MYLK4: variants seen among roughly 807,000 people sequenced by gnomAD.
The protein encoded by MYLK4 is caMLCK like.
MYLK4 carries 46 observed loss-of-function variants against 48.1 expected under a neutral mutation model. That is an observed-to-expected ratio of 0.96 (90% confidence interval 0.75 to 1.22). The LOEUF (loss-of-function observed/expected upper bound fraction) is 1.22, where lower values mean the gene tolerates loss of function less well. Ranked by LOEUF, MYLK4 falls within the 50% of genes most tolerant of loss-of-function variation. The pLI is 0.00. For synonymous variants in MYLK4, 170 were observed against 180.8 expected (o/e 0.94, Z 0.48); for missense variants, 451 against 486.1 (o/e 0.93, Z 0.68).
chr6:2,693,144 A>G (rs1294170176), intron 2 of MYLK4, among the ~76,000 whole-genome samples: 8 of 152,238 alleles, frequency 5.3e-5, no homozygotes, highest in Admixed American at 3.9e-4. Flanking sequence ...AAAAAAGCCC[A>G]GTAAAATTAA....
rs1761760484 is a variant in MYLK4 at position 2,690,858 on chromosome 6, C to G, written c.236-1902G>C. Among the ~76,000 whole-genome samples the G allele has an allele frequency of 5.2e-5, 6 of 114,396 alleles. No individual in the cohort carries two copies. In the South Asian group the frequency reaches 1.7e-3, roughly 33 times the overall value. The allele number at this position is 114,396 out of a possible 152,430, so 75.0% of individuals were successfully genotyped here. ...TTTTTTTTTTTTTTTGAGACCGAGTCTCGCTCTGTCGCCCAGGCTGGAGTG... is the reference window on the plus strand; with the variant it reads ...TTTTTTTTTTTTTTTGAGACCGAGTGTCGCTCTGTCGCCCAGGCTGGAGTG... On this transcript the variant is annotated intron_variant, in intron 3 of 12. Coordinates refer to ENST00000274643, the MANE Select transcript of MYLK4 (RefSeq NM_001012418.5).
At chr6:2,762,946 A>G in the MYLK4 span, among the ~76,000 whole-genome samples, 1 of 152,302 alleles carries the variant, frequency 6.6e-6, no homozygotes, top group Non-Finnish European at 1.5e-5. Flanking sequence ...GACAATTCAG[A>G]CCCAAACACC....
At position 2,667,751 on chromosome 6, in the gene MYLK4, AG is replaced by A. The variant is rs1181237513; in HGVS notation, c.*173del. On this transcript the variant is annotated 3_prime_UTR_variant, in exon 13 of 13. Coordinates refer to ENST00000274643, the MANE Select transcript of MYLK4 (RefSeq NM_001012418.5). The stretch of plus-strand genomic sequence containing the variant: ...GACCGCAGCGCTGGGTGTTCCTCTG[AG>A]CGCAGCAGAGGCACTCCAGTTCAAG... 1 of 152,632 alleles carries A rather than the reference AG, an allele frequency of 6.6e-6. No homozygotes were observed. Among genetic ancestry groups the A allele is most frequent in the African/African-American group, 2.4e-5 (1 of 41,448 alleles). 9.5% of individuals were successfully genotyped at this position (152,632 alleles called of 1,614,324 possible). A position where few individuals can be genotyped will look rare whatever the true frequency, so the allele number is the denominator to read the frequency against.
chr6:2,730,575 G>T (rs1040662270), intron 2 of MYLK4, among the ~76,000 whole-genome samples: 5 of 152,162 alleles, frequency 3.3e-5, no homozygotes, highest in African/African-American at 1.2e-4. Flanking sequence ...GAGGAGGAAT[G>T]AATAGGGCAG....
At position 2,685,922 on chromosome 6, in the gene MYLK4, GC is replaced by G. The variant is rs1378733003; in HGVS notation, c.342-347del. Among the ~76,000 whole-genome samples, 4 of 152,064 alleles carry G rather than the reference GC, an allele frequency of 2.6e-5. No individual in the cohort carries two copies. Among genetic ancestry groups the G allele is most frequent in the Non-Finnish European group, 5.9e-5 (4 of 68,014 alleles). ...CTAAAAATACAAATACAAAAAATTA[GC>G]CAGATGTGATGGCATGTGTCTGTAG... On this transcript the variant is annotated intron_variant, in intron 4 of 12. Transcript: ENST00000274643. This position sits in a 1 kb window ranked among gnomAD's most constrained non-coding sequence, Gnocchi z 4.5.
At position 2,685,487 on chromosome 6, in the gene MYLK4, T is replaced by A; in HGVS notation, c.431A>T (p.Asp144Val). Residue 144 changes from aspartate to valine, a missense_variant, in exon 5 of 13, where the codon GAC becomes GTC. Physicochemically the swap from Asp to Val is radical, Grantham distance 152. Coordinates refer to ENST00000274643, the MANE Select transcript of MYLK4 (RefSeq NM_001012418.5). This position sits in a 1 kb window ranked among gnomAD's most constrained non-coding sequence, Gnocchi z 4.5. ...AKIIKTRGMKDKEEVKNEISV... is the reference protein window; with the variant it reads ...AKIIKTRGMKVKEEVKNEISV... ...ACCACCTCCCACAGGCTGTACCTTG[T>A]CCTTCATGCCTCTGGTCTTGATGAT... The A allele has an allele frequency of 6.2e-7, 1 of 1,614,090 alleles. No individual in the cohort carries two copies. Among genetic ancestry groups the A allele is most frequent in the Non-Finnish European group, 8.5e-7 (1 of 1,179,958 alleles).
chr6:2,762,899 G>C, the MYLK4 span, among the ~76,000 whole-genome samples: 6 of 152,106 alleles, frequency 3.9e-5, no homozygotes, highest in South Asian at 8.3e-4. Flanking sequence ...CAGAAATAAA[G>C]CTACAAGTCT....
intron 7 of MYLK4, among the ~76,000 whole-genome samples, chr6:2,682,636 C>G (rs983239958): frequency 6.6e-6 from 1 of 152,132 alleles, no homozygotes; most frequent in Non-Finnish European, 1.5e-5. Context: ...TTCTTGGAGA[C>G]CTGGAAAGGT....
At chr6:2,720,753 A>C (rs941479419) in intron 2 of MYLK4, among the ~76,000 whole-genome samples, 13 of 152,168 alleles carry the variant, frequency 8.5e-5, no homozygotes, top group African/African-American at 3.1e-4. Context: ...GTCTCCCTGA[A>C]AGCAGAGCCA....
intron 2 of MYLK4, among the ~76,000 whole-genome samples, chr6:2,694,336 G>A (rs1761932503): frequency 1.5e-5 from 2 of 129,120 alleles, no homozygotes; most frequent in African/African-American, 6.3e-5. Flanking sequence ...CCCCACCCCT[G>A]GTGTCCCTTA....
the MYLK4 span, among the ~76,000 whole-genome samples, chr6:2,756,065 A>T: frequency 6.6e-6 from 1 of 152,210 alleles, no homozygotes; most frequent in Non-Finnish European, 1.5e-5. Flanking sequence ...ATTTATAGGT[A>T]TCATGTTCCC....
intron 6 of MYLK4, among the ~76,000 whole-genome samples, chr6:2,684,270 A>G (rs1245308812): frequency 6.6e-6 from 1 of 152,124 alleles, no homozygotes; most frequent in Non-Finnish European, 1.5e-5. Flanking sequence ...GGACAAAGGG[A>G]TGATTCACGT....
intron 8 of MYLK4, 86 bp from the exon 9 acceptor site, chr6:2,679,494 G>T: frequency 2.0e-6 from 3 of 1,511,890 alleles, no homozygotes; most frequent in South Asian, 2.3e-5. Flanking sequence ...GAGACAAAAT[G>T]ACTTCAGCCA....
chr6:2,678,866 G>A (rs1166154349), intron 9 of MYLK4, among the ~76,000 whole-genome samples: 2 of 152,034 alleles, frequency 1.3e-5, no homozygotes, highest in African/African-American at 4.8e-5. Flanking sequence ...ACCACGCACG[G>A]CTGATTTTTG....
chr6:2,767,102 A>G, the MYLK4 span, among the ~76,000 whole-genome samples: 3 of 152,208 alleles, frequency 2.0e-5, no homozygotes, highest in Non-Finnish European at 4.4e-5. Context: ...CTTGTACTCT[A>G]GAGAAGAAAC....
At chr6:2,746,537 T>C (rs1201853018) in intron 2 of MYLK4, among the ~76,000 whole-genome samples, 1 of 152,220 alleles carries the variant, frequency 6.6e-6, no homozygotes, top group African/African-American at 2.4e-5. Context: ...TCTTCCCCTA[T>C]TGGGACTGGA....
upstream of MYLK4, among the ~76,000 whole-genome samples, chr6:2,751,956 C>T (rs1333143288): frequency 6.6e-6 from 1 of 152,162 alleles, no homozygotes; most frequent in Admixed American, 6.5e-5. Flanking sequence ...AAGTATTATA[C>T]AAAGACTAAG....
intron 10 of MYLK4, among the ~76,000 whole-genome samples, chr6:2,677,473 C>T (rs534551869): frequency 1.6e-4 from 24 of 152,310 alleles, no homozygotes; most frequent in Middle Eastern, 3.4e-3. Context: ...AATCATTATA[C>T]GGCTCAGGTA....
Position 2,683,175 on chromosome 6 carries a change from G to A in MYLK4, c.546-13C>T, listed in dbSNP as rs188503566. Reference sequence around the variant, plus strand: ...CCCACCATCCACACTGCAGAGGGAAGAGGACTGAAACCCTCAGTCCCGATT... The same window carrying A: ...CCCACCATCCACACTGCAGAGGGAAAAGGACTGAAACCCTCAGTCCCGATT... On this transcript the variant is annotated splice_polypyrimidine_tract_variant and intron_variant, in intron 6 of 12. Transcript: ENST00000274643. 20 of 1,614,082 alleles carry A rather than the reference G, an allele frequency of 1.2e-5. No individual in the cohort carries two copies. The highest frequency in any genetic ancestry group is 1.5e-5 in the Non-Finnish European group (18 of 1,179,986).
Sources: allele counts gnomAD v4.1 joint callset (sites outside exome capture counted in the v4.1 genomes callset), GRCh38; gene constraint gnomAD v4.1.1; non-coding constraint Gnocchi (gnomAD v3.1); transcripts MANE v1.5; gene names NCBI Gene and HGNC (gene_info 2026-07-23, HGNC 2026-07-21).